The following CNTNAP2 variants were observed in gnomAD, a reference collection of about 807,000 sequenced individuals.
CNTNAP2 encodes contactin-associated protein-like 2.
CNTNAP2 carries 98 observed loss-of-function variants against 155.2 expected under a neutral mutation model. The observed-to-expected ratio is 0.63, with a 90% confidence interval of 0.54 to 0.75. The LOEUF (loss-of-function observed/expected upper bound fraction) is 0.75, where lower values mean the gene tolerates loss of function less well. Ranked by LOEUF, CNTNAP2 falls within the 30% of genes least tolerant of loss-of-function variation. CNTNAP2 has a pLI of 0.00. For missense variants in CNTNAP2, 1,727 were observed against 1,688.1 expected, an observed-to-expected ratio of 1.02 and a Z score of -0.40; for synonymous variants, 651 against 631.2, an observed-to-expected ratio of 1.03 and a Z score of -0.47.
At chr7:148,136,898 C>T (rs1273127763) in intron 16 of CNTNAP2, among the ~76,000 whole-genome samples, 1 of 152,138 alleles carries the variant, frequency 6.6e-6, no homozygotes, top group Non-Finnish European at 1.5e-5. Flanking sequence ...ATGTTTTATG[C>T]AATCTATACA....
intron 1 of CNTNAP2, among the ~76,000 whole-genome samples, chr7:146,176,303 G>C (rs772565920): frequency 6.6e-6 from 1 of 152,096 alleles, no homozygotes; most frequent in Non-Finnish European, 1.5e-5. Flanking sequence ...TTCCCTTTTT[G>C]TCTATGGATC....
chr7:146,191,094 A>G (rs1321382845), intron 1 of CNTNAP2, among the ~76,000 whole-genome samples: 3 of 149,362 alleles, frequency 2.0e-5, no homozygotes, highest in Non-Finnish European at 1.5e-5. Flanking sequence ...CAATAATTCA[A>G]TGTAGGTTCT....
At chr7:147,667,830 A>G (rs1795723003) in intron 13 of CNTNAP2, among the ~76,000 whole-genome samples, 1 of 148,864 alleles carries the variant, frequency 6.7e-6, no homozygotes. Context: ...TAAAATAAAA[A>G]AATAAAAGAT....
chr7:146,867,487 G>A (rs940045804), intron 3 of CNTNAP2, among the ~76,000 whole-genome samples: 14 of 152,090 alleles, frequency 9.2e-5, no homozygotes, highest in Admixed American at 6.6e-5. Context: ...AACATCACGT[G>A]CATGTGTCTT....
chr7:147,099,273 A>C (rs1474050089), intron 4 of CNTNAP2, among the ~76,000 whole-genome samples: 1 of 152,094 alleles, frequency 6.6e-6, no homozygotes, highest in Non-Finnish European at 1.5e-5. Flanking sequence ...TGGACTCTGG[A>C]TTGATTGCTT....
In CNTNAP2 at chr7:148,229,757, A is replaced by G. The variant is rs779826052; in HGVS notation, c.3359A>G (p.His1120Arg). ...CCCCACAGTGTCAACATCACCCGCCACGAGAAGACCATCTTTCTCAAGGTA... is the reference window on the plus strand; with the variant it reads ...CCCCACAGTGTCAACATCACCCGCCGCGAGAAGACCATCTTTCTCAAGGTA... ...GQPHSVNITR[H>R]EKTIFLKLDH... Residue 1120 changes from histidine to arginine, a missense_variant, in exon 20 of 24, where the codon CAC (histidine) becomes CGC (arginine). Coordinates refer to ENST00000361727, the MANE Select transcript of CNTNAP2 (RefSeq NM_014141.6). 1.2e-6 allele frequency: 2 copies of G among 1,614,154 alleles called. No individual in the cohort carries two copies. The highest frequency in any genetic ancestry group is 2.2e-5 in the South Asian group (2 of 91,078).
chr7:147,093,928 G>A (rs1340274252), intron 4 of CNTNAP2, among the ~76,000 whole-genome samples: 1 of 152,096 alleles, frequency 6.6e-6, no homozygotes, highest in Non-Finnish European at 1.5e-5. Flanking sequence ...AAAGGTAACA[G>A]GTCCCAATTT....
At chr7:146,136,153 A>G (rs975004947) in intron 1 of CNTNAP2, among the ~76,000 whole-genome samples, 4 of 152,198 alleles carry the variant, frequency 2.6e-5, no homozygotes, top group African/African-American at 7.2e-5. Flanking sequence ...TGTATCAAAA[A>G]AAGTCTAAGA....
chr7:147,398,151 C>T (rs752783317), intron 10 of CNTNAP2, among the ~76,000 whole-genome samples: 2 of 152,156 alleles, frequency 1.3e-5, no homozygotes, highest in South Asian at 2.1e-4. Context: ...CACCCTTAAT[C>T]TGTGTCTTTC....
chr7:147,026,209 G>A (rs74582549), intron 3 of CNTNAP2, among the ~76,000 whole-genome samples: 8,681 of 152,228 alleles, frequency 0.057, 334 homozygotes, highest in Middle Eastern at 0.13. Context: ...AGTTCATAGT[G>A]TATATAAAAT....
chr7:147,427,940 G>A (rs1043034886), intron 10 of CNTNAP2, among the ~76,000 whole-genome samples: 3 of 152,046 alleles, frequency 2.0e-5, no homozygotes, highest in African/African-American at 7.2e-5. Context: ...AAAAGAAAGG[G>A]TATAAGGCAA....
At chr7:147,446,252 A>G (rs1257891576) in intron 10 of CNTNAP2, among the ~76,000 whole-genome samples, 1 of 146,384 alleles carries the variant, frequency 6.8e-6, no homozygotes, top group East Asian at 2.0e-4. Flanking sequence ...TGTTTCCTAG[A>G]TTCCAAGGTG....
At chr7:146,994,528 T>C (rs954995649) in intron 3 of CNTNAP2, among the ~76,000 whole-genome samples, 1 of 152,088 alleles carries the variant, frequency 6.6e-6, no homozygotes, top group African/African-American at 2.4e-5. Context: ...TTGCAGCAAA[T>C]TTGCGAAATT....
intron 12 of CNTNAP2, among the ~76,000 whole-genome samples, chr7:147,602,914 A>G (rs1383972908): frequency 6.6e-6 from 1 of 152,046 alleles, no homozygotes; most frequent in Middle Eastern, 3.2e-3. Flanking sequence ...GTTGGTTCCA[A>G]GTCTTTGCTA....
At chr7:146,888,939 C>T (rs1432900481) in intron 3 of CNTNAP2, among the ~76,000 whole-genome samples, 2 of 151,994 alleles carry the variant, frequency 1.3e-5, no homozygotes, top group Non-Finnish European at 2.9e-5. Flanking sequence ...GTGCCTATAG[C>T]TAATGATACT....
At chr7:146,912,356 A>C (rs1420646938) in intron 3 of CNTNAP2, among the ~76,000 whole-genome samples, 1 of 151,692 alleles carries the variant, frequency 6.6e-6, no homozygotes, top group Non-Finnish European at 1.5e-5. Context: ...TCAAACATGC[A>C]TACTAATAAA....
intron 1 of CNTNAP2, among the ~76,000 whole-genome samples, chr7:146,129,221 C>T (rs959968647): frequency 6.6e-6 from 1 of 152,004 alleles, no homozygotes; most frequent in South Asian, 2.1e-4. Context: ...GTTGTTGGCA[C>T]AATTAGAATC....
At chr7:148,258,136 G>A (rs560239167) in intron 20 of CNTNAP2, among the ~76,000 whole-genome samples, 24 of 152,202 alleles carry the variant, frequency 1.6e-4, no homozygotes, top group Non-Finnish European at 2.5e-4. Flanking sequence ...TGTTAGCCAC[G>A]GAGCTCTGAC....
At chr7:147,216,396 G>T (rs959880216) in intron 8 of CNTNAP2, among the ~76,000 whole-genome samples, 5 of 151,972 alleles carry the variant, frequency 3.3e-5, no homozygotes, top group Admixed American at 1.3e-4. Context: ...ACTATTTTCT[G>T]TGTGGATGTC....
Sources: gnomAD v4.1 joint callset for allele counts (sites outside exome capture counted in the v4.1 genomes callset) on GRCh38, gnomAD v4.1.1 for gene constraint, MANE v1.5 for transcripts, NCBI Gene and HGNC (gene_info 2026-07-23, HGNC 2026-07-21) for gene names.